The following NAA11 variants were observed in gnomAD, a reference collection of about 807,000 sequenced individuals.
The protein encoded by NAA11 is N-alpha-acetyltransferase 11.
In NAA11, 15 loss-of-function variants were observed where a neutral mutation model predicts 16.1. That is an observed-to-expected ratio of 0.93 (90% CI 0.62 to 1.44). NAA11 has a LOEUF of 1.44. Ranked by LOEUF, NAA11 falls within the 40% of genes most tolerant of loss-of-function variation. NAA11 has a pLI of 0.00. For missense variants in NAA11, 298 were observed against 291.3 expected, an observed-to-expected ratio of 1.02 and a Z score of -0.17; for synonymous variants, 122 against 112.4, an observed-to-expected ratio of 1.09 and a Z score of -0.54.
At chr4:79,210,308 G>A in the NAA11 span, among the ~76,000 whole-genome samples, 1 of 152,126 alleles carries the variant, frequency 6.6e-6, no homozygotes, top group Non-Finnish European at 1.5e-5. Flanking sequence ...AGGGGTCACA[G>A]GGCACAGTGT....
At chr4:79,252,289 C>A (rs1347382216) in intron 2 of NAA11, among the ~76,000 whole-genome samples, 11 of 152,106 alleles carry the variant, frequency 7.2e-5, no homozygotes, top group Non-Finnish European at 1.3e-4. Flanking sequence ...CAGCACCAAG[C>A]AATATATCCA....
chr4:79,207,651 C>T, the NAA11 span, among the ~76,000 whole-genome samples: 2 of 152,088 alleles, frequency 1.3e-5, no homozygotes, highest in South Asian at 4.2e-4. Flanking sequence ...GACTAATACA[C>T]CTAACATGCT....
At chr4:79,224,710 T>C (rs1398198787), downstream of NAA11, among the ~76,000 whole-genome samples, 1 of 152,032 alleles carries the variant, frequency 6.6e-6, no homozygotes, top group Non-Finnish European at 1.5e-5. Flanking sequence ...CTGAGCAATG[T>C]ATATGATAGA....
At chr4:79,157,964 G>T in the NAA11 span, among the ~76,000 whole-genome samples, 2 of 147,710 alleles carry the variant, frequency 1.4e-5, no homozygotes, top group African/African-American at 5.0e-5. Flanking sequence ...ACAGTGGCGT[G>T]ATCTCGGCTC....
the NAA11 span, among the ~76,000 whole-genome samples, chr4:79,180,832 A>C: frequency 6.6e-6 from 1 of 152,168 alleles, no homozygotes; most frequent in South Asian, 2.1e-4. Flanking sequence ...AACCAACCCA[A>C]ATATCCGTCA....
chr4:79,236,608 T>G (rs1434208828), intron 2 of NAA11, among the ~76,000 whole-genome samples: 1 of 152,176 alleles, frequency 6.6e-6, no homozygotes, highest in Non-Finnish European at 1.5e-5. Context: ...TATGAGTTAA[T>G]TAAAATCTTA....
chr4:79,192,435 G>T, the NAA11 span, among the ~76,000 whole-genome samples: 1 of 134,006 alleles, frequency 7.5e-6, no homozygotes, highest in Non-Finnish European at 1.5e-5. Flanking sequence ...GTGTCCATGT[G>T]TTCTCATTGT....
At chr4:79,230,727 CTG>C (rs1384205887) in intron 2 of NAA11, among the ~76,000 whole-genome samples, 1 of 151,798 alleles carries the variant, frequency 6.6e-6, no homozygotes, top group Non-Finnish European at 1.5e-5. Context: ...GCTTTCTTAT[CTG>C]TTGTTTAATA....
chr4:79,308,074 T>C (rs943636905), intron 1 of NAA11, among the ~76,000 whole-genome samples: 4 of 151,966 alleles, frequency 2.6e-5, no homozygotes, highest in African/African-American at 7.3e-5. Context: ...ATATCCTTTA[T>C]AAAAATTAAA....
intron 2 of NAA11, among the ~76,000 whole-genome samples, chr4:79,231,658 G>C (rs548317788): frequency 1.3e-5 from 2 of 151,910 alleles, no homozygotes; most frequent in South Asian, 4.1e-4. Flanking sequence ...ATAAAAAAGG[G>C]ACAATTAGAT....
chr4:79,223,417 T>C (rs1439507769), downstream of NAA11, among the ~76,000 whole-genome samples: 1 of 144,434 alleles, frequency 6.9e-6, no homozygotes, highest in Non-Finnish European at 1.5e-5. Flanking sequence ...ACACCGCATA[T>C]TCTCACTCAT....
intron 2 of NAA11, among the ~76,000 whole-genome samples, chr4:79,286,347 T>TTGAGC (rs1482314051): frequency 6.6e-6 from 1 of 152,026 alleles, no homozygotes; most frequent in Non-Finnish European, 1.5e-5. Context: ...TAATAAACGC[T>TTGAGC]TGAGCAATGA....
the NAA11 span, among the ~76,000 whole-genome samples, chr4:79,188,490 C>T: frequency 1.3e-5 from 2 of 151,606 alleles, no homozygotes; most frequent in African/African-American, 4.9e-5. Context: ...GAGGCTGAGG[C>T]AGGAGAATGG....
At chr4:79,303,447 C>T (rs1395820405) in intron 1 of NAA11, among the ~76,000 whole-genome samples, 1 of 151,792 alleles carries the variant, frequency 6.6e-6, no homozygotes, top group Non-Finnish European at 1.5e-5. Context: ...ATCATTACAC[C>T]CGCTCTTCCT....
the NAA11 span, among the ~76,000 whole-genome samples, chr4:79,173,937 C>G: frequency 1.3e-4 from 20 of 152,070 alleles, no homozygotes; most frequent in Non-Finnish European, 2.8e-4. Flanking sequence ...GGCCTTTGAG[C>G]TGCACTGAAG....
the NAA11 span, among the ~76,000 whole-genome samples, chr4:79,160,391 TA>T: frequency 6.6e-6 from 1 of 152,342 alleles, no homozygotes; most frequent in South Asian, 2.1e-4. Flanking sequence ...GATATATTAT[TA>T]AGAGTTGAGT....
chr4:79,300,391 C>T (rs1463014160), intron 1 of NAA11, among the ~76,000 whole-genome samples: 3 of 151,914 alleles, frequency 2.0e-5, no homozygotes, highest in Non-Finnish European at 2.9e-5. Flanking sequence ...ATATGGCCCC[C>T]CTACCCTGCA....
chr4:79,316,595 C>T (rs1723935125), downstream of NAA11: 4 of 152,196 alleles, frequency 2.6e-5, no homozygotes, highest in South Asian at 8.3e-4. Flanking sequence ...ATGTTATATA[C>T]TTTGGTAATT....
At chr4:79,163,089 C>T in the NAA11 span, among the ~76,000 whole-genome samples, 7 of 152,284 alleles carry the variant, frequency 4.6e-5, no homozygotes, top group African/African-American at 1.7e-4. Context: ...CCTCCTATTT[C>T]CACCATATTG....
Sources: gnomAD v4.1 joint callset for allele counts (sites outside exome capture counted in the v4.1 genomes callset) on GRCh38, gnomAD v4.1.1 for gene constraint, MANE v1.5 for transcripts, NCBI Gene and HGNC (gene_info 2026-07-23, HGNC 2026-07-21) for gene names.